FAM118A: variants seen among roughly 807,000 people sequenced by gnomAD.
The protein encoded by FAM118A is SIR2 antiphage like 2.
A neutral mutation model predicts 38.2 loss-of-function variants in FAM118A; 25 were observed. The ratio of observed to expected loss-of-function variants is 0.65; its 90% CI spans 0.48 to 0.91. The LOEUF (loss-of-function observed/expected upper bound fraction) is 0.91, where lower values mean the gene tolerates loss of function less well. FAM118A is among the 40% of genes least tolerant of loss of function. The probability of loss-of-function intolerance (pLI) is 0.00; values close to 1 mark genes in which losing one functional copy is unlikely to be tolerated. For synonymous variants in FAM118A, 178 were observed against 184.1 expected, an observed-to-expected ratio of 0.97 and a Z score of 0.27; for missense variants, 425 against 463.3, an observed-to-expected ratio of 0.92 and a Z score of 0.76.
chr22:45,335,750 C>A (rs745971205), intron 7 of FAM118A, among the ~76,000 whole-genome samples: 4 of 152,242 alleles, frequency 2.6e-5, no homozygotes, highest in African/African-American at 9.6e-5. Flanking sequence ...GTTCGTTGCA[C>A]GGGTCTGAGC....
chr22:45,325,195 T>G (rs1272130205), intron 3 of FAM118A, among the ~76,000 whole-genome samples: 1 of 152,214 alleles, frequency 6.6e-6, no homozygotes. Flanking sequence ...GAAGAGAGAC[T>G]GTTTGTCTAG....
In FAM118A at chr22:45,340,990, T is replaced by C. The variant is rs5766662; in HGVS notation, c.*585T>C. 60,019 of 151,978 alleles carry C rather than the reference T, an allele frequency of 0.39. 14,605 individuals carry two copies. Among genetic ancestry groups the C allele is most frequent in the Non-Finnish European group, 0.55 (37,522 of 68,130 alleles). The allele number at this position is 151,978 out of a possible 1,614,324, so 9.4% of individuals were successfully genotyped here. ...GCTAATTTTTTTATTTTTAGTAGAG[T>C]TGGAGTTTCACCATGTTGGCCAGGA... On this transcript the variant is annotated 3_prime_UTR_variant, in exon 9 of 9. Coordinates refer to ENST00000441876, the MANE Select transcript of FAM118A (RefSeq NM_017911.4).
chr22:45,322,871 G>C (rs1331313354), intron 2 of FAM118A, among the ~76,000 whole-genome samples: 1 of 152,218 alleles, frequency 6.6e-6, no homozygotes, highest in African/African-American at 2.4e-5. Context: ...CATAACCTGT[G>C]TGCAGCTTCA....
chr22:45,309,588 T>G (rs1159780769), upstream of FAM118A: 1 of 152,362 alleles, frequency 6.6e-6, no homozygotes, highest in African/African-American at 2.4e-5. Context: ...GCCACGTCCC[T>G]GCAAAGTGCT....
At chr22:45,318,552 T>C (rs2084708347) in intron 1 of FAM118A, 1 of 152,222 alleles carries the variant, frequency 6.6e-6, no homozygotes, top group Admixed American at 6.5e-5. Context: ...TGGATTTTGG[T>C]TTAAAAACAA....
rs896063128 is a variant in FAM118A, at chr22:45,332,507, C to T, written c.734C>T (p.Ala245Val). 25 of 1,614,038 alleles carry T rather than the reference C, an allele frequency of 1.5e-5. No individual in the cohort carries two copies. Among genetic ancestry groups the T allele is most frequent in the Non-Finnish European group, 2.0e-5 (24 of 1,180,026 alleles). ...GETLRDQIFQ[A>V]LFLYSVPNKV... ...ACCCTTCGTGATCAGATATTCCAGGCCCTCTTTCTTTACTCCGTGCCGAAT... is the reference window on the plus strand; with the variant it reads ...ACCCTTCGTGATCAGATATTCCAGGTCCTCTTTCTTTACTCCGTGCCGAAT... The change falls in exon 6 of 9, where the codon GCC (alanine) becomes GTC (valine). Residue 245 changes from alanine (A) to valine (V), a missense_variant. Ala to Val is a moderately conservative substitution (Grantham distance 64). Transcript: ENST00000441876.
intron 1 of FAM118A, among the ~76,000 whole-genome samples, chr22:45,316,766 A>G (rs1453618239): frequency 1.3e-5 from 2 of 152,226 alleles, no homozygotes; most frequent in Non-Finnish European, 2.9e-5. Context: ...CTAATAGCCT[A>G]CTGTGTTGCC....
chr22:45,338,254 G>A (rs1213208475), intron 8 of FAM118A, among the ~76,000 whole-genome samples: 1 of 151,594 alleles, frequency 6.6e-6, no homozygotes, highest in Admixed American at 6.6e-5. Context: ...TTTTGAGACA[G>A]AGTCTTGCTC....
In FAM118A at chr22:45,336,532, T is replaced by TC. The variant is rs532452177; in HGVS notation, c.1054+122dup. ...TATGGTGGGAGGACGGTGCATACGT[T>TC]CTGTCAGGGCCAGAGAGCACAGGAG... is the stretch of plus-strand genomic sequence containing the variant. On this transcript the variant is annotated intron_variant, in intron 8 of 8. Transcript: ENST00000441876. 5.6e-4 allele frequency: 401 copies of TC among 710,992 alleles called. 4 individuals are homozygous for TC. The highest frequency in any genetic ancestry group is 8.9e-4 in the South Asian group (50 of 56,128). The allele number at this position is 710,992 out of a possible 1,614,324, so 44.0% of individuals were successfully genotyped here.
intron 1 of FAM118A, among the ~76,000 whole-genome samples, chr22:45,317,718 C>T (rs2084667554): frequency 6.6e-6 from 1 of 152,226 alleles, no homozygotes; most frequent in Admixed American, 6.5e-5. Context: ...TTATGCCAGG[C>T]TCGCTGGGGC....
chr22:45,333,731 C>A (rs2085892240), intron 6 of FAM118A, among the ~76,000 whole-genome samples: 1 of 149,386 alleles, frequency 6.7e-6, no homozygotes, highest in Non-Finnish European at 1.5e-5. Flanking sequence ...ATACCAGCTA[C>A]TCTGGAGGCT....
chr22:45,317,095 A>G (rs531254308), intron 1 of FAM118A, among the ~76,000 whole-genome samples: 2 of 152,304 alleles, frequency 1.3e-5, no homozygotes, highest in East Asian at 1.9e-4. Flanking sequence ...AAATTAAGAA[A>G]GTTGGGCACA....
intron 8 of FAM118A, chr22:45,337,979 C>CTT: frequency 4.7e-6 from 4 of 847,500 alleles, no homozygotes; most frequent in Non-Finnish European, 5.7e-6. Flanking sequence ...GTACCCGTTG[C>CTT]TTTTTTTCCT....
intron 4 of FAM118A, chr22:45,328,487 C>A: frequency 2.4e-6 from 2 of 834,542 alleles, no homozygotes; most frequent in Non-Finnish European, 2.1e-6. Context: ...AATAAAGTAG[C>A]CAGGCATGGT....
At chr22:45,328,951 C>T (rs1469886155) in intron 4 of FAM118A, 1 of 156,382 alleles carries the variant, frequency 6.4e-6, no homozygotes. Context: ...GCAGGCATGC[C>T]ACATGGCAAC....
chr22:45,328,512 G>T, intron 4 of FAM118A: 1 of 772,184 alleles, frequency 1.3e-6, no homozygotes, highest in South Asian at 1.4e-5. Context: ...CCTGCCTGCA[G>T]TCCCCGCTAC....
At chr22:45,338,334 G>A (rs6006990) in intron 8 of FAM118A, among the ~76,000 whole-genome samples, 225 of 152,214 alleles carry the variant, frequency 1.5e-3, no homozygotes, top group African/African-American at 5.1e-3. Flanking sequence ...GATTCAAGCT[G>A]TTTTCCTGCC....
chr22:45,335,806 C>T lies in FAM118A; in HGVS notation c.970+424C>T, dbSNP rs555162669. Among the ~76,000 whole-genome samples the T allele has an allele frequency of 4.6e-5, 7 of 152,334 alleles. No homozygotes were observed. The East Asian group carries it at 9.6e-4, about 21-fold the overall frequency. On this transcript the variant is annotated intron_variant, in intron 7 of 8. Coordinates refer to ENST00000441876, the MANE Select transcript of FAM118A (RefSeq NM_017911.4). ...TTTAATACTTGTTTTGAAATGTGAACGCTCTTCTTGCTGGGCTCAATTCTG... is the reference window on the plus strand; with the variant it reads ...TTTAATACTTGTTTTGAAATGTGAATGCTCTTCTTGCTGGGCTCAATTCTG...
At chr22:45,330,577 CT>C in intron 4 of FAM118A, 25 bp from the exon 5 acceptor site, 1 of 1,496,780 alleles carries the variant, frequency 6.7e-7, no homozygotes, top group Admixed American at 2.5e-5. Flanking sequence ...GGATGTGTTT[CT>C]TTTTCTTGGC....
Sources: allele counts gnomAD v4.1 joint callset (sites outside exome capture counted in the v4.1 genomes callset), GRCh38; gene constraint gnomAD v4.1.1; transcripts MANE v1.5; gene names NCBI Gene and HGNC (gene_info 2026-07-23, HGNC 2026-07-21).